TTLL5: variants seen among roughly 807,000 people sequenced by gnomAD.
The protein encoded by TTLL5 is tubulin polyglutamylase TTLL5.
In TTLL5, 132 loss-of-function variants were observed where a neutral mutation model predicts 168.4. That is an observed-to-expected ratio of 0.78 (90% CI 0.68 to 0.91). TTLL5 has a LOEUF of 0.91. TTLL5 is among the 40% of genes least tolerant of loss of function. The pLI is 0.00. For synonymous variants in TTLL5, 546 were observed against 558.6 expected, an observed-to-expected ratio of 0.98 and a Z score of 0.32; for missense variants, 1,545 against 1,581.5, an observed-to-expected ratio of 0.98 and a Z score of 0.39.
At chr14:75,794,100 C>T (rs1892867168) in intron 27 of TTLL5, among the ~76,000 whole-genome samples, 1 of 152,188 alleles carries the variant, frequency 6.6e-6, no homozygotes, top group African/African-American at 2.4e-5. Context: ...ACTTCAGCCT[C>T]ATCCCAGCGT....
intron 20 of TTLL5, among the ~76,000 whole-genome samples, chr14:75,767,241 C>A (rs973844170): frequency 1.3e-5 from 2 of 151,910 alleles, no homozygotes; most frequent in African/African-American, 4.8e-5. Context: ...TTATTGAGCA[C>A]CTGCCCTATG....
At chr14:75,917,717 C>T (rs1007423040) in intron 31 of TTLL5, among the ~76,000 whole-genome samples, 2 of 152,192 alleles carry the variant, frequency 1.3e-5, no homozygotes. Flanking sequence ...CCCGAACCGC[C>T]TTCGAAGGGA....
intron 27 of TTLL5, among the ~76,000 whole-genome samples, chr14:75,802,812 A>G (rs1027016457): frequency 1.3e-5 from 2 of 152,164 alleles, no homozygotes; most frequent in Non-Finnish European, 2.9e-5. Context: ...GAGGCCCCGA[A>G]CCCAGCTTGT....
At chr14:75,785,625 T>A (rs1209537940) in intron 26 of TTLL5, among the ~76,000 whole-genome samples, 1 of 152,146 alleles carries the variant, frequency 6.6e-6, no homozygotes, top group African/African-American at 2.4e-5. Context: ...TGGAAAAGAG[T>A]ATTGTTTCCC....
intron 30 of TTLL5, among the ~76,000 whole-genome samples, chr14:75,898,854 G>T (rs2032793692): frequency 6.6e-6 from 1 of 152,158 alleles, no homozygotes; most frequent in African/African-American, 2.4e-5. Flanking sequence ...TTTTTACTAT[G>T]AGATTTTTGT....
chr14:75,803,326 G>C (rs1893440035), intron 27 of TTLL5: 1 of 152,194 alleles, frequency 6.6e-6, no homozygotes, highest in African/African-American at 2.4e-5. Context: ...ATTTACATTA[G>C]AGGTTAGATT....
intron 31 of TTLL5, among the ~76,000 whole-genome samples, chr14:75,926,515 G>C (rs1027604638): frequency 6.6e-6 from 1 of 152,090 alleles, no homozygotes; most frequent in East Asian, 1.9e-4. Flanking sequence ...AACAGGCAAA[G>C]GATTTGAATA....
chr14:75,828,380 C>T, intron 28 of TTLL5, among the ~76,000 whole-genome samples: 1 of 126,814 alleles, frequency 7.9e-6, no homozygotes, highest in Middle Eastern at 3.6e-3. Flanking sequence ...TGCTGATTCA[C>T]TTCTGCTTAA....
intron 31 of TTLL5, chr14:75,906,686 A>T: frequency 2.0e-6 from 2 of 985,856 alleles, no homozygotes; most frequent in Non-Finnish European, 2.4e-6. Flanking sequence ...AGGTAACGGT[A>T]AGAATAAGAG....
intron 31 of TTLL5, among the ~76,000 whole-genome samples, chr14:75,915,820 G>A (rs4903356): frequency 0.76 from 114,864 of 152,004 alleles, 43,493 homozygotes; most frequent in Admixed American, 0.81. Context: ...CCTTTAGGAT[G>A]GCTACTATTA....
At chr14:75,868,344 C>A (rs1042495771) in intron 29 of TTLL5, among the ~76,000 whole-genome samples, 4 of 152,138 alleles carry the variant, frequency 2.6e-5, no homozygotes, top group South Asian at 2.1e-4. Context: ...TCACTGGTTC[C>A]GGTCTCTTTC....
At chr14:75,867,565 G>T (rs1313001685) in intron 29 of TTLL5, among the ~76,000 whole-genome samples, 2 of 151,676 alleles carry the variant, frequency 1.3e-5, no homozygotes, top group Non-Finnish European at 2.9e-5. Flanking sequence ...TTCGAGACCA[G>T]CCTGACCAAT....
intron 30 of TTLL5, chr14:75,887,124 G>A (rs901906896): frequency 1.1e-5 from 12 of 1,069,528 alleles, no homozygotes; most frequent in Admixed American, 1.0e-4. Flanking sequence ...ACCCAGGACA[G>A]TGGTGTCTGT....
At position 75,951,846 on chromosome 14, in the gene TTLL5, A is replaced by G. The variant is rs531377418; in HGVS notation, c.3824-2578A>G. 5.3e-5 allele frequency among the ~76,000 whole-genome samples: 8 copies of G among 152,374 alleles called. No homozygotes were observed. In the South Asian group the frequency reaches 1.7e-3, roughly 32 times the overall value. ...TAAAAACCAAAAAGTTAGTATCCAG[A>G]TATTTAAGCAAAGAACTTCTAAAAT... On this transcript the variant is annotated intron_variant, in intron 31 of 31. Transcript: ENST00000298832.
chr14:75,810,045 C>T (rs1483755250), intron 27 of TTLL5, among the ~76,000 whole-genome samples: 1 of 152,092 alleles, frequency 6.6e-6, no homozygotes, highest in Non-Finnish European at 1.5e-5. Flanking sequence ...TTTTGAGGAA[C>T]CTGTATACTG....
chr14:75,725,088 C>CTTTG (rs1888107651), intron 12 of TTLL5, among the ~76,000 whole-genome samples: 1 of 152,176 alleles, frequency 6.6e-6, no homozygotes, highest in African/African-American at 2.4e-5. Context: ...CTGATCAGAG[C>CTTTG]CCAGTGACGT....
intron 27 of TTLL5, among the ~76,000 whole-genome samples, chr14:75,812,505 G>C (rs1894111804): frequency 6.6e-6 from 1 of 152,158 alleles, no homozygotes; most frequent in Admixed American, 6.5e-5. Flanking sequence ...GTCCTAAGCT[G>C]TTTTGTCCAC....
chr14:75,819,912 A>T, intron 27 of TTLL5, 95 bp from the exon 28 acceptor site: 1 of 1,369,878 alleles, frequency 7.3e-7, no homozygotes, highest in Non-Finnish European at 9.8e-7. Flanking sequence ...AGGGGTCAGC[A>T]TCTGTTGGCC....
chr14:75,778,332 C>T (rs78538926), intron 23 of TTLL5, among the ~76,000 whole-genome samples: 84 of 152,300 alleles, frequency 5.5e-4, no homozygotes, highest in African/African-American at 2.0e-3. Context: ...AATTCAAATA[C>T]TTGCTGGAGT....
Sources: gnomAD v4.1 joint callset for allele counts (sites outside exome capture counted in the v4.1 genomes callset) on GRCh38, gnomAD v4.1.1 for gene constraint, MANE v1.5 for transcripts, NCBI Gene and HGNC (gene_info 2026-07-23, HGNC 2026-07-21) for gene names.